The following VGLL4 variants were observed in gnomAD, a reference collection of about 807,000 sequenced individuals.
VGLL4 encodes transcription cofactor vestigial-like protein 4.
VGLL4 carries 7 observed loss-of-function variants against 21.0 expected under a neutral mutation model. The ratio of observed to expected loss-of-function variants is 0.33; its 90% CI spans 0.19 to 0.63. The LOEUF (loss-of-function observed/expected upper bound fraction) is 0.63, where lower values mean the gene tolerates loss of function less well. Ranked by LOEUF, VGLL4 falls within the 20% of genes least tolerant of loss-of-function variation. The pLI, the probability that VGLL4 is intolerant of heterozygous loss-of-function variation, is 0.78. For missense variants in VGLL4, 394 were observed against 425.7 expected, an observed-to-expected ratio of 0.93 and a Z score of 0.66; for synonymous variants, 222 against 173.2, an observed-to-expected ratio of 1.28 and a Z score of -2.21.
At chr3:11,578,748 C>CTTTTTTTTTTTTTT (rs71044228) in intron 2 of VGLL4, among the ~76,000 whole-genome samples, 5 of 104,696 alleles carry the variant, frequency 4.8e-5, no homozygotes, top group Non-Finnish European at 7.1e-5. Flanking sequence ...TGTATATTTT[C>CTTTTTTTTTTTTTT]TTTTTTTTTT....
At position 11,601,876 on chromosome 3, in the gene VGLL4, T is replaced by TGTCACAGTCTAG. The variant is rs1456640197; in HGVS notation, c.217_228dup (p.Leu73_Asp76dup). The TGTCACAGTCTAG allele has an allele frequency of 2.8e-5, 45 of 1,613,734 alleles. No individual in the cohort carries two copies. Among genetic ancestry groups the TGTCACAGTCTAG allele is most frequent in the Non-Finnish European group, 3.7e-5 (44 of 1,179,878 alleles). The stretch of plus-strand genomic sequence containing the variant: ...CGACTCATTTTGGAGACGTGGTCGT[T>TGTCACAGTCTAG]GTCACAGTCTAGGTCCTCGTCACCT... On this transcript the variant is annotated inframe_insertion, in exon 2 of 5. Coordinates refer to ENST00000430365, the MANE Select transcript of VGLL4 (RefSeq NM_001128219.3).
intron 2 of VGLL4, among the ~76,000 whole-genome samples, chr3:11,660,323 G>A (rs1335732292): frequency 6.6e-6 from 1 of 152,166 alleles, no homozygotes; most frequent in East Asian, 1.9e-4. Flanking sequence ...GATACAGCCT[G>A]ACCATTCTCC....
chr3:11,610,788 C>T (rs1248895527), intron 1 of VGLL4: 1 of 152,206 alleles, frequency 6.6e-6, no homozygotes, highest in East Asian at 1.9e-4. Context: ...GAATCTAAAT[C>T]ATTTCATACA....
chr3:11,608,882 G>A (rs983077377), intron 1 of VGLL4, among the ~76,000 whole-genome samples: 19 of 151,892 alleles, frequency 1.3e-4, no homozygotes, highest in Non-Finnish European at 5.9e-5. Flanking sequence ...TTTTTTTGGA[G>A]ACGGAGTCTC....
intron 2 of VGLL4, chr3:11,582,494 GGGGT>G: frequency 1.1e-6 from 1 of 874,130 alleles, no homozygotes; most frequent in Non-Finnish European, 1.7e-6. Flanking sequence ...TATGGGTCCT[GGGGT>G]AGGTCAGGAA....
chr3:11,696,976 C>A (rs1175897632), intron 2 of VGLL4, among the ~76,000 whole-genome samples: 4 of 152,176 alleles, frequency 2.6e-5, no homozygotes, highest in Non-Finnish European at 5.9e-5. Flanking sequence ...CTCCTGGGCT[C>A]AAGTGACCAT....
intron 2 of VGLL4, among the ~76,000 whole-genome samples, chr3:11,701,537 G>A (rs2076680722): frequency 6.6e-6 from 1 of 152,218 alleles, no homozygotes; most frequent in South Asian, 2.1e-4. Flanking sequence ...CCAGGAGAGA[G>A]GGCAAGGCAG....
In VGLL4 at chr3:11,616,285, T is replaced by C. The variant is rs527314253; in HGVS notation, c.83-14263A>G. Reference sequence around the variant, plus strand: ...TGCAAGCCTCACCTTCTTCAAGCTCTTCCTCAGCAAGTAAGTGTTCCTTGG... The same window carrying C: ...TGCAAGCCTCACCTTCTTCAAGCTCCTCCTCAGCAAGTAAGTGTTCCTTGG... On this transcript the variant is annotated intron_variant, in intron 1 of 4. Transcript: ENST00000430365. Among the ~76,000 whole-genome samples the C allele has an allele frequency of 9.8e-5, 15 of 152,336 alleles. No homozygotes were observed. The East Asian group carries it at 2.7e-3, about 27-fold the overall frequency.
intron 2 of VGLL4, among the ~76,000 whole-genome samples, chr3:11,571,426 G>C (rs921444709): frequency 6.6e-6 from 1 of 152,206 alleles, no homozygotes; most frequent in African/African-American, 2.4e-5. Context: ...ACTCACGCCT[G>C]TAATCCCAGC....
intron 1 of VGLL4, among the ~76,000 whole-genome samples, chr3:11,716,979 A>C (rs1419655258): frequency 1.3e-5 from 2 of 152,040 alleles, no homozygotes; most frequent in East Asian, 3.9e-4. Context: ...CACACACACA[A>C]AAAACTTTCT....
intron 1 of VGLL4, among the ~76,000 whole-genome samples, chr3:11,637,760 AT>A (rs147384043): frequency 0.11 from 16,904 of 152,228 alleles, 1,195 homozygotes; most frequent in South Asian, 0.22. Context: ...AGAAAGCAAA[AT>A]CATTTTCAGG....
rs369691924 is a variant in VGLL4 at position 11,673,766 on chromosome 3, C to A, written c.64+29205G>T. On this transcript the variant is annotated intron_variant, in intron 2 of 5. Coordinates refer to the VGLL4 transcript ENST00000273038. ...TGGTGGCTCACGCATGTAATCCTAGCACTTTGGGAGGCCAAGGTGGGTGGA... is the reference window on the plus strand; with the variant it reads ...TGGTGGCTCACGCATGTAATCCTAGAACTTTGGGAGGCCAAGGTGGGTGGA... 9.9e-5 allele frequency among the ~76,000 whole-genome samples: 15 copies of A among 152,206 alleles called. No individual in the cohort carries two copies. In the South Asian group the frequency reaches 2.9e-3, roughly 29 times the overall value.
At chr3:11,569,311 G>A (rs1338071589) in intron 2 of VGLL4, among the ~76,000 whole-genome samples, 1 of 152,188 alleles carries the variant, frequency 6.6e-6, no homozygotes, top group Non-Finnish European at 1.5e-5. Context: ...TGGGGAGGGG[G>A]TATGGGTACA....
intron 1 of VGLL4, among the ~76,000 whole-genome samples, chr3:11,623,749 C>CCTTTTTTT (rs200636430): frequency 8.1e-6 from 1 of 123,668 alleles, no homozygotes; most frequent in Non-Finnish European, 1.8e-5. Context: ...TGAAAATTTT[C>CCTTTTTTT]TTTTTTTTTT....
intron 3 of VGLL4, among the ~76,000 whole-genome samples, chr3:11,564,405 A>ACC (rs3839099): frequency 0.042 from 6,401 of 151,130 alleles, 319 homozygotes; most frequent in Admixed American, 0.12. Context: ...GAAACGTAGG[A>ACC]CCCCCCCACC....
At chr3:11,696,614 A>G (rs2076610517) in intron 2 of VGLL4, among the ~76,000 whole-genome samples, 1 of 152,230 alleles carries the variant, frequency 6.6e-6, no homozygotes, top group Non-Finnish European at 1.5e-5. Context: ...CCAATGTGTT[A>G]GTGGATCCTA....
intron 2 of VGLL4, among the ~76,000 whole-genome samples, chr3:11,651,336 C>CAAA (rs201737430): frequency 1.3e-4 from 14 of 108,226 alleles, no homozygotes; most frequent in African/African-American, 3.9e-4. Flanking sequence ...GAGTGAGACT[C>CAAA]AAAAAAAAAA....
At chr3:11,696,476 G>A (rs1173744000) in intron 2 of VGLL4, among the ~76,000 whole-genome samples, 4 of 152,108 alleles carry the variant, frequency 2.6e-5, no homozygotes, top group South Asian at 2.1e-4. Flanking sequence ...GAATATTACC[G>A]GCTCCTTTTA....
intron 2 of VGLL4, among the ~76,000 whole-genome samples, chr3:11,578,549 T>G (rs2074124541): frequency 6.6e-6 from 1 of 151,740 alleles, no homozygotes; most frequent in Admixed American, 6.6e-5. Flanking sequence ...CAAACCTGAT[T>G]TTCCTCTTAA....
Sources: gnomAD v4.1 joint callset for allele counts (sites outside exome capture counted in the v4.1 genomes callset) on GRCh38, gnomAD v4.1.1 for gene constraint, MANE v1.5 for transcripts, NCBI Gene and HGNC (gene_info 2026-07-23, HGNC 2026-07-21) for gene names.